GFRA1: variants seen among roughly 807,000 people sequenced by gnomAD.
GFRA1 encodes the protein GDNF family receptor alpha-1.
In GFRA1, 16 loss-of-function variants were observed where a neutral mutation model predicts 51.6. The observed-to-expected ratio is 0.31, with a 90% CI of 0.21 to 0.47. GFRA1 has a LOEUF of 0.47. GFRA1 is among the 20% of genes least tolerant of loss of function. The pLI, the probability that GFRA1 is intolerant of heterozygous loss-of-function variation, is 1.00. For missense variants in GFRA1, 530 were observed against 594.3 expected (o/e 0.89, Z 1.13); for synonymous variants, 270 against 241.3 (o/e 1.12, Z -1.10).
chr10:116,090,627 G>C (rs1180428298), intron 8 of GFRA1, among the ~76,000 whole-genome samples: 2 of 152,008 alleles, frequency 1.3e-5, no homozygotes, highest in Non-Finnish European at 2.9e-5. Flanking sequence ...GGATTAGATT[G>C]TTTTTATGGC....
intron 9 of GFRA1, among the ~76,000 whole-genome samples, chr10:116,067,906 T>C (rs1022134086): frequency 6.6e-6 from 1 of 152,188 alleles, no homozygotes; most frequent in African/African-American, 2.4e-5. Context: ...CAGCTCCAAG[T>C]CTGTGCAGTC....
At chr10:116,133,225 G>A (rs183690611) in intron 5 of GFRA1, among the ~76,000 whole-genome samples, 78 of 152,132 alleles carry the variant, frequency 5.1e-4, no homozygotes, top group South Asian at 8.3e-4. Context: ...CTGTATTACC[G>A]AGAATGCCAT....
At chr10:116,164,472 T>C (rs567740418) in intron 5 of GFRA1, among the ~76,000 whole-genome samples, 19 of 152,338 alleles carry the variant, frequency 1.2e-4, no homozygotes, top group African/African-American at 4.1e-4. Flanking sequence ...AATGAAGGCA[T>C]TGTTTATTCA....
Position 116,120,355 on chromosome 10 carries a change from C to T in GFRA1, c.770+4866G>A, listed in dbSNP as rs115556222. Among the ~76,000 whole-genome samples, 647 of 152,192 alleles carry T rather than the reference C, an allele frequency of 4.3e-3. 5 individuals carry two copies. Among genetic ancestry groups the T allele is most frequent in the African/African-American group, 0.015 (622 of 41,526 alleles). ...GGAGGCTGAGGCAGGAGGATCACTC[C>T]AGGCCAGGAGCCCAAGAGCGGCCTG... On this transcript the variant is annotated intron_variant, in intron 6 of 10. Transcript: ENST00000355422.
At chr10:116,252,662 A>ATG (rs1404912324) in intron 4 of GFRA1, among the ~76,000 whole-genome samples, 2 of 152,194 alleles carry the variant, frequency 1.3e-5, no homozygotes, top group African/African-American at 4.8e-5. Context: ...GGACCAGCAC[A>ATG]CGGACTACCT....
chr10:116,095,026 C>T (rs544798157), intron 7 of GFRA1, among the ~76,000 whole-genome samples: 18 of 152,316 alleles, frequency 1.2e-4, no homozygotes, highest in South Asian at 4.1e-4. Context: ...CAATGCATTG[C>T]CTCTGCCATT....
At chr10:116,211,569 C>A in intron 5 of GFRA1, 62 bp downstream of exon 5, 1 of 1,429,982 alleles carries the variant, frequency 7.0e-7, no homozygotes, top group Non-Finnish European at 9.7e-7. Flanking sequence ...GTACACAGAC[C>A]ATACCCATGT....
At chr10:116,098,532 C>A (rs79952537) in intron 6 of GFRA1, among the ~76,000 whole-genome samples, 5,889 of 152,274 alleles carry the variant, frequency 0.039, 364 homozygotes, top group African/African-American at 0.13. Context: ...TCTAGTGACA[C>A]TGGGTTTCTA....
In GFRA1 at chr10:116,190,241, G is replaced by A. The variant is rs1322629507; in HGVS notation, c.433+21390C>T. ...TAAAGCCAAACCTTTCAAGTGCTTGGTGCTCAACATGGCACAGAGCAGGTG... is the reference window on the plus strand; with the variant it reads ...TAAAGCCAAACCTTTCAAGTGCTTGATGCTCAACATGGCACAGAGCAGGTG... On this transcript the variant is annotated intron_variant, in intron 5 of 10. Coordinates refer to ENST00000355422, the MANE Select transcript of GFRA1 (RefSeq NM_005264.8). Among the ~76,000 whole-genome samples, 3 of 152,206 alleles carry A rather than the reference G, an allele frequency of 2.0e-5. No homozygotes were observed. The East Asian group carries it at 5.8e-4, about 29-fold the overall frequency.
At chr10:116,148,599 C>T (rs1165002534) in intron 5 of GFRA1, among the ~76,000 whole-genome samples, 1 of 152,172 alleles carries the variant, frequency 6.6e-6, no homozygotes, top group Admixed American at 6.5e-5. Context: ...TTTTATCATT[C>T]ACCAGTCACT....
chr10:116,094,324 T>C (rs796699226), intron 7 of GFRA1, among the ~76,000 whole-genome samples: 35 of 152,284 alleles, frequency 2.3e-4, no homozygotes, highest in African/African-American at 7.7e-4. Flanking sequence ...GCACCCTGAG[T>C]GTATATACAT....
intron 4 of GFRA1, among the ~76,000 whole-genome samples, chr10:116,232,906 G>A (rs7097998): frequency 0.11 from 16,899 of 152,130 alleles, 1,077 homozygotes; most frequent in African/African-American, 0.17. Flanking sequence ...ACTTAATGGG[G>A]GGCACAGAGA....
At chr10:116,107,536 A>T (rs955456120) in intron 6 of GFRA1, among the ~76,000 whole-genome samples, 13 of 152,002 alleles carry the variant, frequency 8.6e-5, no homozygotes, top group African/African-American at 2.9e-4. Context: ...AACATCCTCA[A>T]GTTTTTATAG....
chr10:116,150,069 C>T (rs954027639), intron 5 of GFRA1, among the ~76,000 whole-genome samples: 48 of 152,190 alleles, frequency 3.2e-4, no homozygotes, highest in Non-Finnish European at 6.3e-4. Flanking sequence ...ACTGTTCCTC[C>T]ATTTTCAAAG....
intron 5 of GFRA1, among the ~76,000 whole-genome samples, chr10:116,155,247 G>A (rs1035923908): frequency 3.9e-5 from 6 of 152,070 alleles, no homozygotes; most frequent in African/African-American, 7.2e-5. Flanking sequence ...GATGACTGGC[G>A]GAGCACAATT....
chr10:116,254,113 G>A (rs754759377), intron 4 of GFRA1, among the ~76,000 whole-genome samples: 4 of 151,854 alleles, frequency 2.6e-5, no homozygotes, highest in Admixed American at 6.6e-5. Context: ...CTGAGGTCAG[G>A]AGTTTGAGAC....
intron 5 of GFRA1, among the ~76,000 whole-genome samples, chr10:116,197,798 C>A (rs1238746699): frequency 2.0e-5 from 3 of 152,192 alleles, no homozygotes; most frequent in Admixed American, 2.0e-4. Context: ...GCAAGCATCT[C>A]TGAGGATGTG....
chr10:116,269,273 C>T (rs564092827), intron 4 of GFRA1, among the ~76,000 whole-genome samples: 7 of 152,256 alleles, frequency 4.6e-5, no homozygotes, highest in South Asian at 2.1e-4. Flanking sequence ...TCACCTCCCT[C>T]GAACCTCTTC....
intron 5 of GFRA1, among the ~76,000 whole-genome samples, chr10:116,200,829 T>C (rs1376370842): frequency 2.0e-5 from 3 of 152,216 alleles, no homozygotes; most frequent in Admixed American, 6.5e-5. Context: ...TTTTAACATA[T>C]GACTTTGGGG....
Sources: allele counts gnomAD v4.1 joint callset (sites outside exome capture counted in the v4.1 genomes callset), GRCh38; gene constraint gnomAD v4.1.1; transcripts MANE v1.5; gene names NCBI Gene and HGNC (gene_info 2026-07-23, HGNC 2026-07-21).